PLB1: variants seen among roughly 807,000 people sequenced by gnomAD.
The protein encoded by PLB1 is phospholipase B1, membrane-associated.
PLB1 carries 242 observed loss-of-function variants against 227.4 expected under a neutral mutation model. The observed-to-expected ratio is 1.06, with a 90% CI of 0.96 to 1.18. The LOEUF (loss-of-function observed/expected upper bound fraction) is 1.18, where lower values mean the gene tolerates loss of function less well. Among genes scored for constraint, PLB1 ranks in the 50% most tolerant of loss-of-function variants. The pLI, the probability that PLB1 is intolerant of heterozygous loss-of-function variation, is 0.00. For missense variants in PLB1, 1,858 were observed against 1,816.3 expected, an observed-to-expected ratio of 1.02 and a Z score of -0.42; for synonymous variants, 757 against 682.2, an observed-to-expected ratio of 1.11 and a Z score of -1.71.
intron 8 of PLB1, 36 bp downstream of exon 8, chr2:28,529,815 C>A (rs920021568): frequency 1.2e-5 from 20 of 1,607,336 alleles, no homozygotes; most frequent in Middle Eastern, 1.6e-4. Context: ...GGCTGGGCTG[C>A]CTGGCTTTGC....
At chr2:28,608,545 G>A (rs987132942) in intron 43 of PLB1, among the ~76,000 whole-genome samples, 2 of 152,174 alleles carry the variant, frequency 1.3e-5, no homozygotes, top group African/African-American at 4.8e-5. Flanking sequence ...TTAACAGCAC[G>A]CCATGGATTT....
intron 1 of PLB1, among the ~76,000 whole-genome samples, chr2:28,504,626 C>G (rs1244738190): frequency 1.3e-5 from 2 of 152,000 alleles, no homozygotes; most frequent in Non-Finnish European, 2.9e-5. Flanking sequence ...GCCTGTAGTC[C>G]CGATACTCAG....
intron 21 of PLB1, among the ~76,000 whole-genome samples, chr2:28,577,648 C>G (rs935998333): frequency 3.9e-5 from 6 of 152,188 alleles, no homozygotes; most frequent in Admixed American, 3.9e-4. Flanking sequence ...TGAGACCAGC[C>G]TGGCCAACAT....
At chr2:28,546,732 A>G (rs997167107) in intron 14 of PLB1, among the ~76,000 whole-genome samples, 1 of 152,112 alleles carries the variant, frequency 6.6e-6, no homozygotes, top group Non-Finnish European at 1.5e-5. Flanking sequence ...TCCTAAAGGG[A>G]CATTTAGGAC....
rs528922922 is a variant in PLB1, at chr2:28,564,457, G to A, written c.1207-823G>A. Among the ~76,000 whole-genome samples the A allele has an allele frequency of 4.6e-5, 7 of 152,332 alleles. No individual in the cohort carries two copies. The East Asian group carries it at 7.7e-4, about 17-fold the overall frequency. On this transcript the variant is annotated intron_variant, in intron 18 of 57. Coordinates refer to ENST00000327757, the MANE Select transcript of PLB1 (RefSeq NM_153021.5). Reference sequence around the variant, plus strand: ...CTCCCAGGAAGGACTGGCAGGCTGGGCCTTAGCAGCTTCATACACTGCTTA... The same window carrying A: ...CTCCCAGGAAGGACTGGCAGGCTGGACCTTAGCAGCTTCATACACTGCTTA...
intron 49 of PLB1, among the ~76,000 whole-genome samples, chr2:28,623,603 ATG>A (rs1215033423): frequency 6.6e-6 from 1 of 152,156 alleles, no homozygotes; most frequent in African/African-American, 2.4e-5. Flanking sequence ...GGATGGTACC[ATG>A]TGTGTTTGGC....
chr2:28,608,848 C>G (rs1234758144), intron 43 of PLB1, among the ~76,000 whole-genome samples: 1 of 152,148 alleles, frequency 6.6e-6, no homozygotes, highest in Admixed American at 6.5e-5. Context: ...GACCCTCCTC[C>G]TCCCTTTCCC....
intron 56 of PLB1, among the ~76,000 whole-genome samples, chr2:28,633,632 G>A (rs1483202568): frequency 1.3e-5 from 2 of 152,310 alleles, no homozygotes; most frequent in African/African-American, 2.4e-5. Flanking sequence ...TGGGAAGAAG[G>A]GACCTTATGA....
chr2:28,621,003 C>T (rs778647555), intron 49 of PLB1, 25 bp downstream of exon 49: 5 of 1,572,112 alleles, frequency 3.2e-6, no homozygotes, highest in South Asian at 1.2e-5. Flanking sequence ...TACAGGAGGG[C>T]GAGTGGAAGG....
intron 54 of PLB1, among the ~76,000 whole-genome samples, chr2:28,631,366 T>G (rs1688613623): frequency 6.6e-6 from 1 of 152,024 alleles, no homozygotes; most frequent in Non-Finnish European, 1.5e-5. Context: ...TTCCCTCCTC[T>G]AAGGAGCTTC....
chr2:28,519,821 A>C lies in PLB1; in HGVS notation c.243+58A>C. 1.1e-5 allele frequency: 16 copies of C among 1,400,746 alleles called. No homozygotes were observed. The South Asian group carries it at 1.9e-4, about 16-fold the overall frequency. The allele number at this position is 1,400,746 out of a possible 1,614,324, so 86.8% of individuals were successfully genotyped here. ...AGAGTTTGGTACTGATGATCCTCTGAATGGGCTCCTGGTAACTGGGCAGAA... is the reference window on the plus strand; with the variant it reads ...AGAGTTTGGTACTGATGATCCTCTGCATGGGCTCCTGGTAACTGGGCAGAA... On this transcript the variant is annotated intron_variant, in intron 4 of 57. Coordinates refer to ENST00000327757, the MANE Select transcript of PLB1 (RefSeq NM_153021.5).
intron 17 of PLB1, among the ~76,000 whole-genome samples, chr2:28,561,077 A>AGG (rs34463528): frequency 6.6e-6 from 1 of 152,188 alleles, no homozygotes; most frequent in Non-Finnish European, 1.5e-5. Flanking sequence ...CAGGCCCCCC[A>AGG]GGGGAAGATC....
At chr2:28,541,168 T>C (rs1020248610) in intron 12 of PLB1, among the ~76,000 whole-genome samples, 1 of 109,064 alleles carries the variant, frequency 9.2e-6, no homozygotes, top group African/African-American at 3.4e-5. Context: ...CGAGACTCCG[T>C]CTCAAAAATA....
At position 28,628,599 on chromosome 2, in the gene PLB1, C is replaced by T; in HGVS notation, c.3697C>T (p.Gln1233Ter). The T allele has an allele frequency of 6.2e-7, 1 of 1,614,168 alleles. No homozygotes were observed. The highest frequency in any genetic ancestry group is 8.5e-7 in the Non-Finnish European group (1 of 1,180,018). Residue 1233 changes from glutamine (Q) to a stop codon, truncating the protein, a stop_gained, in exon 52 of 58, where the codon CAA becomes TAA. Transcript: ENST00000327757. LOFTEE classifies it high-confidence loss of function. ...HLATEYVQHI[Q>*]QALDILSEEL... ...GGCCACGGAATATGTTCAGCACATC[C>T]AACAGGCCCTGGACATCCTCTCTGA... is the stretch of plus-strand genomic sequence containing the variant.
intron 33 of PLB1, chr2:28,595,776 CT>C (rs1682802986): frequency 6.6e-6 from 1 of 151,836 alleles, no homozygotes; most frequent in Non-Finnish European, 1.5e-5. Context: ...CCTCTTCCCC[CT>C]GGGAAACAAA....
chr2:28,626,633 G>C, intron 51 of PLB1, 125 bp downstream of exon 51: 1 of 830,752 alleles, frequency 1.2e-6, no homozygotes, highest in Non-Finnish European at 2.0e-6. Flanking sequence ...TTTGCCTGCT[G>C]CCCCAGGCCC....
intron 25 of PLB1, 27 bp downstream of exon 25, chr2:28,582,532 T>C: frequency 1.3e-6 from 2 of 1,544,096 alleles, no homozygotes; most frequent in Non-Finnish European, 1.8e-6. Context: ...TCCCCGATTC[T>C]ACTAAGAATC....
chr2:28,612,769 A>ATTTTTTTTTTTTTTTTTT (rs10557060), intron 43 of PLB1, among the ~76,000 whole-genome samples: 11 of 124,916 alleles, frequency 8.8e-5, no homozygotes, highest in African/African-American at 3.4e-4. Flanking sequence ...CCACACCTGG[A>ATTTTTTTTTTTTTTTTTT]TTTTTTTTTT....
At chr2:28,542,114 T>C (rs1366681724) in intron 13 of PLB1, among the ~76,000 whole-genome samples, 2 of 137,392 alleles carry the variant, frequency 1.5e-5, no homozygotes, top group East Asian at 4.2e-4. Context: ...GCCTGGGCAG[T>C]AGAACGAGAC....
Sources: allele counts gnomAD v4.1 joint callset (sites outside exome capture counted in the v4.1 genomes callset), GRCh38; gene constraint gnomAD v4.1.1; transcripts MANE v1.5; gene names NCBI Gene and HGNC (gene_info 2026-07-23, HGNC 2026-07-21).